The following ARHGAP42 variants were observed in gnomAD, a reference collection of about 807,000 sequenced individuals.
ARHGAP42 encodes the protein Rho GTPase activating protein 42, also known as rho GTPase-activating protein 42.
ARHGAP42 carries 63 observed loss-of-function variants against 125.0 expected under a neutral mutation model. The ratio of observed to expected loss-of-function variants is 0.50; its 90% CI spans 0.41 to 0.62. The LOEUF is 0.62. ARHGAP42 is among the 20% of genes least tolerant of loss of function. The pLI is 0.00. For missense variants in ARHGAP42, 766 were observed against 1,024.2 expected (o/e 0.75, Z 3.44); for synonymous variants, 339 against 351.0 (o/e 0.97, Z 0.38).
chr11:100,943,941 A>C (rs1756660268), intron 10 of ARHGAP42, 73 bp downstream of exon 10: 2 of 953,936 alleles, frequency 2.1e-6, no homozygotes. Context: ...AAATATAAAC[A>C]TGAAACAGCA....
chr11:100,913,198 G>A (rs1457349609), intron 4 of ARHGAP42, among the ~76,000 whole-genome samples: 1 of 152,138 alleles, frequency 6.6e-6, no homozygotes, highest in East Asian at 1.9e-4. Context: ...CTCCAAAGGA[G>A]ATGTGACTTG....
At chr11:100,930,097 T>A (rs569530948) in intron 6 of ARHGAP42, among the ~76,000 whole-genome samples, 10 of 152,380 alleles carry the variant, frequency 6.6e-5, no homozygotes, top group African/African-American at 2.2e-4. Context: ...TATTCAAACC[T>A]ATTCCGTCTA....
intron 1 of ARHGAP42, among the ~76,000 whole-genome samples, chr11:100,743,916 T>A (rs1032703902): frequency 4.6e-5 from 7 of 152,216 alleles, no homozygotes; most frequent in African/African-American, 1.7e-4. Flanking sequence ...TGTCTTTCAT[T>A]TCCAGAAGTT....
chr11:100,736,708 C>T (rs918381129), intron 1 of ARHGAP42, among the ~76,000 whole-genome samples: 3 of 152,102 alleles, frequency 2.0e-5, no homozygotes, highest in Non-Finnish European at 2.9e-5. Flanking sequence ...GTAATTTCTC[C>T]GAAAGGATCT....
chr11:100,961,804 ATC>A (rs1199538052), intron 15 of ARHGAP42, 36 bp downstream of exon 15: 1 of 1,513,478 alleles, frequency 6.6e-7, no homozygotes. Flanking sequence ...TCTGGATGTA[ATC>A]TCTGACTCAC....
At chr11:100,974,043 A>T (rs1858323746) in intron 18 of ARHGAP42, among the ~76,000 whole-genome samples, 1 of 152,144 alleles carries the variant, frequency 6.6e-6, no homozygotes, top group Non-Finnish European at 1.5e-5. Context: ...GCAGCTAGCC[A>T]CACTCCTTGG....
chr11:100,909,902 C>T (rs1358230789), intron 4 of ARHGAP42, among the ~76,000 whole-genome samples: 2 of 152,104 alleles, frequency 1.3e-5, no homozygotes, highest in African/African-American at 2.4e-5. Context: ...AAATATTTGA[C>T]ACTTTTAAAA....
chr11:100,842,637 A>C (rs1043765484), intron 3 of ARHGAP42, among the ~76,000 whole-genome samples: 1 of 152,118 alleles, frequency 6.6e-6, no homozygotes, highest in African/African-American at 2.4e-5. Flanking sequence ...TAATGAATGG[A>C]AATATTTAAA....
chr11:100,780,879 A>C lies in ARHGAP42; in HGVS notation c.250+10441A>C, dbSNP rs544138778. 5.9e-5 allele frequency among the ~76,000 whole-genome samples: 9 copies of C among 152,340 alleles called. No homozygotes were observed. The South Asian group carries it at 6.2e-4, about 11-fold the overall frequency. On this transcript the variant is annotated intron_variant, in intron 2 of 23. Coordinates refer to ENST00000298815, the MANE Select transcript of ARHGAP42 (RefSeq NM_152432.4). Reference sequence around the variant, plus strand: ...AAAACAAAGCTAATTATGCTAAGAGAACATAGTCAAGATAGACTAGGCATT... The same window carrying C: ...AAAACAAAGCTAATTATGCTAAGAGCACATAGTCAAGATAGACTAGGCATT...
At chr11:100,968,344 T>C (rs1365563005) in intron 17 of ARHGAP42, among the ~76,000 whole-genome samples, 1 of 152,192 alleles carries the variant, frequency 6.6e-6, no homozygotes, top group Non-Finnish European at 1.5e-5. Flanking sequence ...CTTTTTGTTT[T>C]CTATATGTTT....
chr11:100,784,359 C>T (rs552623057), intron 2 of ARHGAP42, among the ~76,000 whole-genome samples: 116 of 152,152 alleles, frequency 7.6e-4, no homozygotes, highest in African/African-American at 2.7e-3. Flanking sequence ...ATCAAAGGTG[C>T]CCTCTAGGAG....
At chr11:100,775,418 C>T (rs1863095919) in intron 2 of ARHGAP42, among the ~76,000 whole-genome samples, 1 of 152,068 alleles carries the variant, frequency 6.6e-6, no homozygotes, top group Admixed American at 6.5e-5. Context: ...TATAATTACA[C>T]AAGTAATATG....
intron 3 of ARHGAP42, chr11:100,839,867 A>G (rs1864903345): frequency 6.6e-6 from 1 of 152,124 alleles, no homozygotes; most frequent in African/African-American, 2.4e-5. Flanking sequence ...CTTTCAAATA[A>G]TTGGTGATTC....
intron 3 of ARHGAP42, chr11:100,840,807 T>A (rs572439847): frequency 6.6e-6 from 1 of 152,316 alleles, no homozygotes; most frequent in East Asian, 1.9e-4. Flanking sequence ...CAAATTTGTA[T>A]TAAATTGTTG....
At chr11:100,833,468 G>T (rs1185258687) in intron 3 of ARHGAP42, among the ~76,000 whole-genome samples, 2 of 152,146 alleles carry the variant, frequency 1.3e-5, no homozygotes, top group Admixed American at 1.3e-4. Context: ...GCTTGTCATT[G>T]TTTCAGTGTG....
chr11:100,973,318 T>G lies in ARHGAP42; in HGVS notation c.1694T>G (p.Ile565Arg). The change falls in exon 18 of 24, where the codon ATA (isoleucine) becomes AGA (arginine). Residue 565 changes from isoleucine to arginine, a missense_variant. Ile to Arg is a moderately conservative substitution (Grantham distance 97). Around this residue, in one of 3 missense-constraint regions of ARHGAP42, gnomAD observed 308 missense variants for 369.7 expected, o/e 0.83. Coordinates refer to ENST00000298815, the MANE Select transcript of ARHGAP42 (RefSeq NM_152432.4). ...KFQNIVVEIL[I>R]EHYEKIFHTA... The stretch of plus-strand genomic sequence containing the variant: ...CAGAATATTGTGGTAGAAATTCTGA[T>G]AGAGCACTATGAAAAGGTAGGCGGA... 6.5e-7 allele frequency: 1 copy of G among 1,550,202 alleles called. No individual in the cohort carries two copies. Among genetic ancestry groups the G allele is most frequent in the Non-Finnish European group, 8.7e-7 (1 of 1,146,464 alleles).
intron 2 of ARHGAP42, among the ~76,000 whole-genome samples, chr11:100,784,640 T>G (rs1863391619): frequency 6.6e-6 from 1 of 152,100 alleles, no homozygotes; most frequent in East Asian, 1.9e-4. Flanking sequence ...GAACTTAGTT[T>G]TGACATGTGT....
chr11:100,784,461 A>T (rs139498064), intron 2 of ARHGAP42, among the ~76,000 whole-genome samples: 2 of 152,324 alleles, frequency 1.3e-5, no homozygotes, highest in Non-Finnish European at 2.9e-5. Flanking sequence ...TAAGATCCTT[A>T]TATGGGTATG....
chr11:100,960,492 C>T (rs1045573201), intron 13 of ARHGAP42, among the ~76,000 whole-genome samples: 1 of 152,114 alleles, frequency 6.6e-6, no homozygotes, highest in Non-Finnish European at 1.5e-5. Context: ...GCTGCCACTT[C>T]AACATTCTGA....
Sources: allele counts gnomAD v4.1 joint callset (sites outside exome capture counted in the v4.1 genomes callset), GRCh38; gene constraint gnomAD v4.1.1; regional missense constraint gnomAD v4.1.1; transcripts MANE v1.5; gene names NCBI Gene and HGNC (gene_info 2026-07-23, HGNC 2026-07-21).